The following PKHD1 variants were observed in gnomAD, a reference collection of about 807,000 sequenced individuals.
The protein encoded by PKHD1 is fibrocystin.
In PKHD1, 291 loss-of-function variants were observed where a neutral mutation model predicts 412.0. That is an observed-to-expected ratio of 0.71 (90% confidence interval 0.64 to 0.78). The LOEUF (loss-of-function observed/expected upper bound fraction) is 0.78. Among genes scored for constraint, PKHD1 ranks in the 30% least tolerant of loss-of-function variants. The pLI, the probability that PKHD1 is intolerant of heterozygous loss-of-function variation, is 0.00. For synonymous variants in PKHD1, 1,777 were observed against 1,821.5 expected (o/e 0.98, Z 0.62); for missense variants, 4,825 against 4,950.7 (o/e 0.97, Z 0.76).
intron 43 of PKHD1, among the ~76,000 whole-genome samples, chr6:51,891,452 T>A (rs1041685444): frequency 1.9e-4 from 29 of 152,078 alleles, no homozygotes; most frequent in African/African-American, 6.0e-4. Context: ...GCTAATTTTG[T>A]ATTTTTAGTA....
intron 64 of PKHD1, among the ~76,000 whole-genome samples, chr6:51,635,478 G>A (rs189815402): frequency 9.0e-4 from 137 of 152,202 alleles, no homozygotes; most frequent in Non-Finnish European, 1.3e-3. Context: ...TAGCTATGAT[G>A]CACCAGGCTT....
chr6:51,771,948 C>G (rs994779923), intron 55 of PKHD1, among the ~76,000 whole-genome samples: 4 of 152,050 alleles, frequency 2.6e-5, no homozygotes, highest in Non-Finnish European at 4.4e-5. Context: ...TTTGTTCACT[C>G]TATTTTTCTT....
chr6:51,632,486 A>G, intron 65 of PKHD1, 79 bp downstream of exon 65: 1 of 1,244,846 alleles, frequency 8.0e-7, no homozygotes. Flanking sequence ...TGGGGAAAGA[A>G]ACAGAATCAT....
At chr6:52,085,802 T>C (rs1812690691) in intron 1 of PKHD1, among the ~76,000 whole-genome samples, 1 of 152,018 alleles carries the variant, frequency 6.6e-6, no homozygotes, top group Admixed American at 6.5e-5. Flanking sequence ...CATATTTGAA[T>C]ACCCTAAATC....
rs1410403871 is a variant in PKHD1 at position 51,791,219 on chromosome 6, C to G, written c.8440+17G>C. On this transcript the variant is annotated intron_variant, in intron 53 of 66. Transcript: ENST00000371117. ...TATAATTCTCAACATGCTCGCAATCCTTGTGCCTTTACTCACCAACTTTCA... is the reference window on the plus strand; with the variant it reads ...TATAATTCTCAACATGCTCGCAATCGTTGTGCCTTTACTCACCAACTTTCA... 6.2e-7 allele frequency: 1 copy of G among 1,612,348 alleles called. No individual in the cohort carries two copies. The highest frequency in any genetic ancestry group is 8.5e-7 in the Non-Finnish European group (1 of 1,178,556).
chr6:51,890,067 TAC>T (rs1182417067), intron 43 of PKHD1, among the ~76,000 whole-genome samples: 2 of 152,276 alleles, frequency 1.3e-5, no homozygotes, highest in Admixed American at 1.3e-4. Context: ...AGTGAAAATC[TAC>T]AGAGAAGGCA....
Position 51,903,667 on chromosome 6 carries a change from TCG to T in PKHD1, c.6924_6925del (p.Glu2309GlyfsTer6), listed in dbSNP as rs748802760. The T allele has an allele frequency of 6.2e-7, 1 of 1,611,062 alleles. No homozygotes were observed. Among genetic ancestry groups the T allele is most frequent in the African/African-American group, 1.3e-5 (1 of 74,742 alleles). Reference sequence around the variant, plus strand: ...CAACATTTCAGGATTGGAGAGTCCCTCGGCACCAGAAACCTGGATGATCACGT... The same window carrying T: ...CAACATTTCAGGATTGGAGAGTCCCTGCACCAGAAACCTGGATGATCACGT... On this transcript the variant is annotated frameshift_variant, in exon 43 of 67. Coordinates refer to ENST00000371117, the MANE Select transcript of PKHD1 (RefSeq NM_138694.4). LOFTEE classifies it high-confidence loss of function.
At chr6:51,873,753 G>A (rs557640936) in intron 46 of PKHD1, among the ~76,000 whole-genome samples, 25 of 152,096 alleles carry the variant, frequency 1.6e-4, no homozygotes, top group Admixed American at 3.9e-4. Flanking sequence ...AAGACAAGCA[G>A]GCACATTAAA....
intron 60 of PKHD1, among the ~76,000 whole-genome samples, chr6:51,664,781 T>C (rs1773450052): frequency 6.6e-6 from 1 of 152,170 alleles, no homozygotes; most frequent in Admixed American, 6.5e-5. Flanking sequence ...ACGCATTATT[T>C]TTATTCCTAT....
intron 35 of PKHD1, among the ~76,000 whole-genome samples, chr6:51,970,398 G>A (rs1562016435): frequency 6.6e-6 from 1 of 152,124 alleles, no homozygotes. Context: ...TGTTCTGCAG[G>A]TTATCTGTTC....
intron 33 of PKHD1, 128 bp from the exon 34 acceptor site, chr6:52,017,757 T>C: frequency 1.4e-6 from 1 of 724,596 alleles, no homozygotes; most frequent in Non-Finnish European, 2.5e-6. Flanking sequence ...TTTACTTTTT[T>C]TAAAATGTAT....
chr6:51,746,773 T>C lies in PKHD1; in HGVS notation c.9946A>G (p.Met3316Val). The change falls in exon 59 of 67, where the codon ATG becomes GTG. Residue 3316 changes from methionine to valine, a missense_variant. Transcript: ENST00000371117. ...TTGTTTTTATCTTTTATCTTTAGCATCCTGGTCCTCTCTGCTGTTATTGGG... is the reference window on the plus strand; with the variant it reads ...TTGTTTTTATCTTTTATCTTTAGCACCCTGGTCCTCTCTGCTGTTATTGGG... ...MHPITAERTR[M>V]LKIKDKNKFY... 6.2e-7 allele frequency: 1 copy of C among 1,611,692 alleles called. No individual in the cohort carries two copies. The highest frequency in any genetic ancestry group is 8.5e-7 in the Non-Finnish European group (1 of 1,177,920).
intron 34 of PKHD1, among the ~76,000 whole-genome samples, chr6:52,010,898 T>TA (rs1211603053): frequency 6.6e-6 from 1 of 152,106 alleles, no homozygotes; most frequent in Admixed American, 6.5e-5. Flanking sequence ...TGAATCCCCC[T>TA]AGGGCAGATG....
chr6:52,033,828 C>T (rs930752579), intron 28 of PKHD1, among the ~76,000 whole-genome samples: 2 of 151,916 alleles, frequency 1.3e-5, no homozygotes, highest in African/African-American at 4.8e-5. Context: ...TTGGATTTAA[C>T]TTATAAGAAA....
Position 51,922,860 on chromosome 6 carries a change from G to T in PKHD1, c.6122-10284C>A, listed in dbSNP as rs2127719118. On this transcript the variant is annotated intron_variant, in intron 37 of 66. Transcript: ENST00000371117. ...GTACCATCTGTCATGGCTTCCCTTG[G>T]CTAGGAAAGGGAATTCCACAACCCC... Among the ~76,000 whole-genome samples, 4 of 152,294 alleles carry T rather than the reference G, an allele frequency of 2.6e-5. No homozygotes were observed. The South Asian group carries it at 8.3e-4, about 32-fold the overall frequency.
chr6:51,982,302 G>A (rs1323004994), intron 35 of PKHD1, among the ~76,000 whole-genome samples: 32 of 68,166 alleles, frequency 4.7e-4, no homozygotes, highest in African/African-American at 1.0e-3. Flanking sequence ...ACCCCGTCTG[G>A]GAGGTGTGCC....
At position 51,617,739 on chromosome 6, in the gene PKHD1, A is replaced by G. The variant is rs1371034388; in HGVS notation, c.*1342T>C. On this transcript the variant is annotated 3_prime_UTR_variant, in exon 67 of 67. Transcript: ENST00000371117. ...ACACACCTGCCCCTTGATGCCCTGC[A>G]GACATAACAGCTGTCTGCCAGTACT... 6.6e-6 allele frequency: 1 copy of G among 152,240 alleles called. No individual in the cohort carries two copies. Among genetic ancestry groups the G allele is most frequent in the Non-Finnish European group, 1.5e-5 (1 of 68,048 alleles). 9.4% of individuals were successfully genotyped at this position (152,240 alleles called of 1,614,324 possible).
chr6:51,639,318 T>C (rs1769024568), intron 63 of PKHD1, among the ~76,000 whole-genome samples: 1 of 152,156 alleles, frequency 6.6e-6, no homozygotes, highest in South Asian at 2.1e-4. Flanking sequence ...ATCTACCTGA[T>C]TTCAGTCTGC....
intron 31 of PKHD1, among the ~76,000 whole-genome samples, chr6:52,027,542 A>AT (rs1324521364): frequency 6.6e-6 from 1 of 150,840 alleles, no homozygotes; most frequent in Non-Finnish European, 1.5e-5. Context: ...CAAAAAAAAA[A>AT]AAAAAAAGAA....
Sources: allele counts gnomAD v4.1 joint callset (sites outside exome capture counted in the v4.1 genomes callset), GRCh38; gene constraint gnomAD v4.1.1; transcripts MANE v1.5; gene names NCBI Gene and HGNC (gene_info 2026-07-23, HGNC 2026-07-21).